MGAT4C: variants seen among roughly 807,000 people sequenced by gnomAD.
The protein encoded by MGAT4C is MGAT4 family member C.
MGAT4C carries 19 observed loss-of-function variants against 40.1 expected under a neutral mutation model. That is an observed-to-expected ratio of 0.47 (90% confidence interval 0.33 to 0.70). MGAT4C has a LOEUF of 0.70. Ranked by LOEUF, MGAT4C falls within the 30% of genes least tolerant of loss-of-function variation. The pLI is 0.02. For synonymous variants in MGAT4C, 181 were observed against 187.1 expected, an observed-to-expected ratio of 0.97 and a Z score of 0.27; for missense variants, 491 against 563.2, an observed-to-expected ratio of 0.87 and a Z score of 1.30.
At chr12:86,745,654 A>G (rs1211047015) in intron 1 of MGAT4C, among the ~76,000 whole-genome samples, 1 of 151,710 alleles carries the variant, frequency 6.6e-6, no homozygotes, top group East Asian at 1.9e-4. Flanking sequence ...GCTTAACTCA[A>G]TGCCCATAAT....
intron 1 of MGAT4C, among the ~76,000 whole-genome samples, chr12:86,103,625 C>T (rs1351422700): frequency 6.6e-6 from 1 of 152,110 alleles, no homozygotes; most frequent in Non-Finnish European, 1.5e-5. Context: ...GATTGATACA[C>T]ATCCTTTTTG....
chr12:86,711,771 T>A (rs1950559869), intron 2 of MGAT4C, among the ~76,000 whole-genome samples: 1 of 152,188 alleles, frequency 6.6e-6, no homozygotes, highest in Non-Finnish European at 1.5e-5. Flanking sequence ...CTCATATTTG[T>A]GTTGTTTTGT....
chr12:86,507,046 G>A (rs756866723), intron 2 of MGAT4C, among the ~76,000 whole-genome samples: 23 of 152,074 alleles, frequency 1.5e-4, no homozygotes, highest in Admixed American at 4.6e-4. Context: ...CTATCTTGAC[G>A]TCAGGTGGTC....
chr12:86,781,613 T>C (rs555229467), intron 1 of MGAT4C, among the ~76,000 whole-genome samples: 15 of 152,152 alleles, frequency 9.9e-5, no homozygotes, highest in Non-Finnish European at 2.1e-4. Flanking sequence ...ACAAGGCACT[T>C]TTCTAGACAC....
intron 1 of MGAT4C, among the ~76,000 whole-genome samples, chr12:86,151,420 G>A (rs968862322): frequency 6.6e-6 from 1 of 152,110 alleles, no homozygotes; most frequent in Non-Finnish European, 1.5e-5. Flanking sequence ...AGACCATCCT[G>A]GCTAACACGG....
chr12:86,403,506 T>C (rs543407222), intron 3 of MGAT4C, among the ~76,000 whole-genome samples: 22 of 152,352 alleles, frequency 1.4e-4, no homozygotes, highest in African/African-American at 4.1e-4. Flanking sequence ...TAATTCCATA[T>C]GACAGAACAT....
chr12:86,344,493 C>G (rs1566305446), intron 3 of MGAT4C, among the ~76,000 whole-genome samples: 1 of 152,070 alleles, frequency 6.6e-6, no homozygotes, highest in Non-Finnish European at 1.5e-5. Context: ...AAAATTTTGT[C>G]AAACATTGTT....
At chr12:86,004,150 C>G (rs989710150) in intron 2 of MGAT4C, among the ~76,000 whole-genome samples, 7 of 152,000 alleles carry the variant, frequency 4.6e-5, no homozygotes, top group Non-Finnish European at 1.5e-5. Flanking sequence ...AAGAGAAATA[C>G]TAAAAATAAT....
chr12:86,075,618 C>T (rs1366528703), intron 1 of MGAT4C, among the ~76,000 whole-genome samples: 1 of 152,198 alleles, frequency 6.6e-6, no homozygotes, highest in African/African-American at 2.4e-5. Context: ...AGGGCCCCAC[C>T]CCTGCAGCAA....
At chr12:86,635,788 C>T (rs750546523) in intron 2 of MGAT4C, among the ~76,000 whole-genome samples, 2 of 151,676 alleles carry the variant, frequency 1.3e-5, no homozygotes, top group Non-Finnish European at 2.9e-5. Context: ...GGGATGCTCC[C>T]ACCTTGGTCT....
intron 1 of MGAT4C, among the ~76,000 whole-genome samples, chr12:86,728,584 G>C (rs1272360446): frequency 6.6e-6 from 1 of 152,040 alleles, no homozygotes; most frequent in African/African-American, 2.4e-5. Context: ...CCAGCTGCTC[G>C]GGAAACCGAG....
intron 4 of MGAT4C, among the ~76,000 whole-genome samples, chr12:86,304,953 C>T (rs1397170163): frequency 6.6e-6 from 1 of 150,728 alleles, no homozygotes; most frequent in African/African-American, 2.5e-5. Context: ...TTCTAGCCTT[C>T]AGAACTGTGA....
At chr12:86,103,336 A>G (rs569916170) in intron 1 of MGAT4C, among the ~76,000 whole-genome samples, 11 of 152,318 alleles carry the variant, frequency 7.2e-5, no homozygotes, top group African/African-American at 2.6e-4. Context: ...CCCCAAGTAT[A>G]TGCATGGATT....
At chr12:86,039,442 T>A (rs1891587534) in intron 2 of MGAT4C, among the ~76,000 whole-genome samples, 1 of 152,198 alleles carries the variant, frequency 6.6e-6, no homozygotes, top group African/African-American at 2.4e-5. Context: ...TTCTCTAATC[T>A]TGTCTTCTCA....
intron 2 of MGAT4C, among the ~76,000 whole-genome samples, chr12:86,592,154 T>C (rs896445675): frequency 3.3e-5 from 5 of 152,144 alleles, no homozygotes; most frequent in Admixed American, 6.6e-5. Context: ...AGGTCTAATA[T>C]TTATTTTATC....
chr12:86,454,568 G>T (rs1055937336), intron 2 of MGAT4C, among the ~76,000 whole-genome samples: 1 of 152,022 alleles, frequency 6.6e-6, no homozygotes, highest in Non-Finnish European at 1.5e-5. Flanking sequence ...TTGATAGGTA[G>T]ATAGACAGAC....
intron 2 of MGAT4C, among the ~76,000 whole-genome samples, chr12:86,503,779 G>T (rs1958417345): frequency 8.8e-5 from 1 of 11,370 alleles, no homozygotes. Context: ...TATATATAGA[G>T]TTCTGCTCAT....
chr12:85,992,054 A>T (rs915830486), intron 2 of MGAT4C, among the ~76,000 whole-genome samples: 4 of 152,158 alleles, frequency 2.6e-5, no homozygotes, highest in Non-Finnish European at 5.9e-5. Flanking sequence ...ATCCTGTAAC[A>T]TTTTGGGGGC....
At chr12:86,188,770 C>T (rs962235342) in intron 1 of MGAT4C, among the ~76,000 whole-genome samples, 1 of 151,474 alleles carries the variant, frequency 6.6e-6, no homozygotes, top group Non-Finnish European at 1.5e-5. Flanking sequence ...TGTGAACTTT[C>T]GATTCATCTG....
Sources: allele counts gnomAD v4.1 joint callset (sites outside exome capture counted in the v4.1 genomes callset), GRCh38; gene constraint gnomAD v4.1.1; transcripts MANE v1.5; gene names NCBI Gene and HGNC (gene_info 2026-07-23, HGNC 2026-07-21).